The following CNTNAP2 variants were observed in gnomAD, a reference collection of about 807,000 sequenced individuals.
CNTNAP2 encodes contactin associated protein 2, also known as contactin-associated protein-like 2.
In CNTNAP2, 98 loss-of-function variants were observed where a neutral mutation model predicts 155.2. The ratio of observed to expected loss-of-function variants is 0.63; its 90% CI spans 0.54 to 0.75. The LOEUF is 0.75. Among genes scored for constraint, CNTNAP2 ranks in the 30% least tolerant of loss-of-function variants. CNTNAP2 has a pLI of 0.00. For missense variants in CNTNAP2, 1,727 were observed against 1,688.1 expected (o/e 1.02, Z -0.40); for synonymous variants, 651 against 631.2 (o/e 1.03, Z -0.47).
chr7:146,565,369 A>C (rs554968481), intron 1 of CNTNAP2, among the ~76,000 whole-genome samples: 93 of 152,276 alleles, frequency 6.1e-4, no homozygotes, highest in Non-Finnish European at 9.6e-4. Context: ...TGTTCACCTG[A>C]AAGTATATTC....
At chr7:148,055,401 C>T (rs918583802) in intron 15 of CNTNAP2, among the ~76,000 whole-genome samples, 4 of 152,142 alleles carry the variant, frequency 2.6e-5, no homozygotes, top group South Asian at 2.1e-4. Context: ...GCTATGCACC[C>T]GTGTCATCTA....
intron 13 of CNTNAP2, among the ~76,000 whole-genome samples, chr7:147,900,192 A>G (rs928650631): frequency 3.3e-5 from 5 of 152,026 alleles, no homozygotes; most frequent in African/African-American, 1.2e-4. Context: ...GCACTCTGCT[A>G]TGGTCATCTC....
intron 1 of CNTNAP2, among the ~76,000 whole-genome samples, chr7:146,656,622 A>G (rs1211165862): frequency 6.6e-6 from 1 of 152,206 alleles, no homozygotes; most frequent in African/African-American, 2.4e-5. Context: ...AATGTGAGAA[A>G]GAAACACAAA....
intron 1 of CNTNAP2, among the ~76,000 whole-genome samples, chr7:146,714,447 G>C (rs1231916135): frequency 6.6e-6 from 1 of 152,234 alleles, no homozygotes; most frequent in Non-Finnish European, 1.5e-5. Flanking sequence ...ATTTCAGACT[G>C]GGAGTCATTT....
At chr7:146,414,558 A>G (rs1419574807) in intron 1 of CNTNAP2, among the ~76,000 whole-genome samples, 1 of 152,076 alleles carries the variant, frequency 6.6e-6, no homozygotes, top group Non-Finnish European at 1.5e-5. Flanking sequence ...CTACTGTGTT[A>G]TCCCTGAGCT....
intron 3 of CNTNAP2, among the ~76,000 whole-genome samples, chr7:146,984,302 G>C (rs547425986): frequency 6.6e-6 from 1 of 150,974 alleles, no homozygotes; most frequent in African/African-American, 2.4e-5. Context: ...TGGAGGCTGA[G>C]GTTGTGGTGA....
intron 15 of CNTNAP2, among the ~76,000 whole-genome samples, chr7:148,058,803 T>C (rs1803072551): frequency 6.6e-6 from 1 of 152,198 alleles, no homozygotes; most frequent in South Asian, 2.1e-4. Context: ...TTTTTAGCGT[T>C]GTATGCCTAA....
intron 15 of CNTNAP2, among the ~76,000 whole-genome samples, chr7:148,096,850 C>A (rs1803982059): frequency 6.6e-6 from 1 of 152,170 alleles, no homozygotes; most frequent in Non-Finnish European, 1.5e-5. Flanking sequence ...AGATCAAGAT[C>A]TTAATATCCC....
chr7:147,306,379 T>C (rs1177990323), intron 9 of CNTNAP2, among the ~76,000 whole-genome samples: 1 of 152,168 alleles, frequency 6.6e-6, no homozygotes, highest in Non-Finnish European at 1.5e-5. Flanking sequence ...GCATAGTGGA[T>C]AAAAATGTGC....
chr7:146,776,900 A>G (rs188131976), intron 2 of CNTNAP2, among the ~76,000 whole-genome samples: 153 of 152,180 alleles, frequency 1.0e-3, no homozygotes, highest in Non-Finnish European at 1.8e-3. Flanking sequence ...CTTAACTTGG[A>G]CACTTGGATT....
chr7:147,267,829 CTCT>C (rs1193599999), intron 8 of CNTNAP2, among the ~76,000 whole-genome samples: 2 of 152,162 alleles, frequency 1.3e-5, no homozygotes, highest in Non-Finnish European at 2.9e-5. Context: ...TGACTTTCAG[CTCT>C]TCATTTTCCT....
rs386411606 is a variant in CNTNAP2, at chr7:147,950,364, C to CAAAAAAAAAAAAAA, written c.2256-27482_2256-27469dup. On this transcript the variant is annotated intron_variant, in intron 14 of 23. Transcript: ENST00000361727. ...AGCTTAAGCTATACACATAGAGAGG[C>CAAAAAAAAAAAAAA]AAAAAAAAAAAAAAAAAAAAAAAAA... is the stretch of plus-strand genomic sequence containing the variant. Among the ~76,000 whole-genome samples the CAAAAAAAAAAAAAA allele has an allele frequency of 4.1e-4, 23 of 55,782 alleles. 2 individuals are homozygous for CAAAAAAAAAAAAAA. Among genetic ancestry groups the CAAAAAAAAAAAAAA allele is most frequent in the East Asian group, 9.6e-4 (1 of 1,040 alleles). 36.6% of individuals were successfully genotyped at this position (55,782 alleles called of 152,430 possible).
At chr7:146,520,602 A>G (rs887485797) in intron 1 of CNTNAP2, among the ~76,000 whole-genome samples, 4 of 151,798 alleles carry the variant, frequency 2.6e-5, no homozygotes, top group African/African-American at 9.7e-5. Flanking sequence ...GTCTTTTTAC[A>G]GAATGGAGGA....
At chr7:148,136,117 G>A (rs533765061) in intron 16 of CNTNAP2, among the ~76,000 whole-genome samples, 1 of 128,988 alleles carries the variant, frequency 7.8e-6, no homozygotes, top group Non-Finnish European at 1.7e-5. Flanking sequence ...AGGGAGGAAG[G>A]GAGGGAAGGG....
chr7:148,327,012 G>A (rs1396854567), intron 21 of CNTNAP2, among the ~76,000 whole-genome samples: 2 of 152,208 alleles, frequency 1.3e-5, no homozygotes, highest in African/African-American at 4.8e-5. Flanking sequence ...CCCTCTGGAA[G>A]AGCCAGGTTT....
At chr7:147,128,614 A>G (rs1801285216) in intron 6 of CNTNAP2, 79 bp from the exon 7 acceptor site, 2 of 1,521,648 alleles carry the variant, frequency 1.3e-6, no homozygotes, top group Non-Finnish European at 1.8e-6. Context: ...TAGATACTTG[A>G]CCTTCACTGT....
chr7:146,663,715 G>T (rs1299739225), intron 1 of CNTNAP2, among the ~76,000 whole-genome samples: 7 of 151,994 alleles, frequency 4.6e-5, no homozygotes. Context: ...TGTATCCTAT[G>T]ACCTTGGTAT....
At chr7:146,650,317 G>T (rs1799886348) in intron 1 of CNTNAP2, among the ~76,000 whole-genome samples, 1 of 152,100 alleles carries the variant, frequency 6.6e-6, no homozygotes, top group Non-Finnish European at 1.5e-5. Flanking sequence ...ATGATAGACT[G>T]GATAAAGAAA....
chr7:146,442,143 A>C (rs1796328671), intron 1 of CNTNAP2, among the ~76,000 whole-genome samples: 1 of 151,626 alleles, frequency 6.6e-6, no homozygotes, highest in Non-Finnish European at 1.5e-5. Flanking sequence ...ATATATTTCA[A>C]CCTCACTTTC....
Sources: allele counts gnomAD v4.1 joint callset (sites outside exome capture counted in the v4.1 genomes callset), GRCh38; gene constraint gnomAD v4.1.1; transcripts MANE v1.5; gene names NCBI Gene and HGNC (gene_info 2026-07-23, HGNC 2026-07-21).